Variants in RAD18 observed in about 807,000 individuals in gnomAD.
The protein encoded by RAD18 is E3 ubiquitin-protein ligase RAD18.
In RAD18, 47 loss-of-function variants were observed where a neutral mutation model predicts 60.4. That is an observed-to-expected ratio of 0.78 (90% confidence interval 0.62 to 0.99). RAD18 has a LOEUF of 0.99. Among genes scored for constraint, RAD18 ranks in the 50% least tolerant of loss-of-function variants. RAD18 has a pLI of 0.00. For missense variants in RAD18, 640 were observed against 593.3 expected, an observed-to-expected ratio of 1.08 and a Z score of -0.82; for synonymous variants, 225 against 195.5, an observed-to-expected ratio of 1.15 and a Z score of -1.26.
At chr3:8,906,588 G>A (rs1191283957) in intron 9 of RAD18, among the ~76,000 whole-genome samples, 2 of 152,110 alleles carry the variant, frequency 1.3e-5, no homozygotes, top group East Asian at 1.9e-4. Context: ...TCACAGCAAC[G>A]TTTGGCCTAA....
chr3:8,900,046 C>T (rs1056764094), intron 10 of RAD18, among the ~76,000 whole-genome samples: 1 of 152,144 alleles, frequency 6.6e-6, no homozygotes, highest in Non-Finnish European at 1.5e-5. Flanking sequence ...CTTCAAAAAA[C>T]CTTGCCAAGT....
At chr3:8,942,919 G>C (rs559539144) in intron 4 of RAD18, among the ~76,000 whole-genome samples, 2 of 152,184 alleles carry the variant, frequency 1.3e-5, no homozygotes, top group Non-Finnish European at 2.9e-5. Flanking sequence ...TTAGTTGTTC[G>C]CATTGGAGCC....
At chr3:8,957,076 G>A (rs1941027715) in intron 2 of RAD18, among the ~76,000 whole-genome samples, 1 of 152,104 alleles carries the variant, frequency 6.6e-6, no homozygotes, top group African/African-American at 2.4e-5. Context: ...AAAAGATGCT[G>A]GAATTAAAGT....
chr3:8,942,173 G>A (rs1940761121), intron 4 of RAD18, among the ~76,000 whole-genome samples: 1 of 152,166 alleles, frequency 6.6e-6, no homozygotes, highest in Admixed American at 6.5e-5. Context: ...GTGGGACCTG[G>A]TGGAAGGTGA....
intron 11 of RAD18, among the ~76,000 whole-genome samples, chr3:8,891,984 A>AC (rs1939699406): frequency 6.6e-6 from 1 of 152,240 alleles, no homozygotes; most frequent in African/African-American, 2.4e-5. Flanking sequence ...TATAGCAGTC[A>AC]GTGTTACTAA....
intron 7 of RAD18, among the ~76,000 whole-genome samples, chr3:8,922,687 T>A (rs1205604165): frequency 6.6e-6 from 1 of 152,180 alleles, no homozygotes; most frequent in East Asian, 1.9e-4. Context: ...GACTGACACC[T>A]CACACGGCCA....
In RAD18 at chr3:8,909,226, G is replaced by C. The variant is rs1196319758; in HGVS notation, c.1027+3086C>G. 2.6e-5 allele frequency among the ~76,000 whole-genome samples: 4 copies of C among 152,174 alleles called. No homozygotes were observed. In the East Asian group the frequency reaches 7.7e-4, roughly 29 times the overall value. ...GAGGAGAAGAGGCAAGGCTAGAGAG[G>C]TAGGCAGGTCCAGATACAGGAAATA... On this transcript the variant is annotated intron_variant, in intron 9 of 12. Transcript: ENST00000264926.
At chr3:8,906,788 G>A (rs1280772926) in intron 9 of RAD18, among the ~76,000 whole-genome samples, 1 of 90,344 alleles carries the variant, frequency 1.1e-5, no homozygotes, top group Admixed American at 1.3e-4. Flanking sequence ...TGGAGAGGGG[G>A]AAACAGTTTT....
At chr3:8,894,656 G>T (rs1939754308) in intron 11 of RAD18, among the ~76,000 whole-genome samples, 1 of 151,834 alleles carries the variant, frequency 6.6e-6, no homozygotes, top group Admixed American at 6.6e-5. Context: ...ACATTTCAAG[G>T]ACTTGATGTC....
chr3:8,902,519 A>T lies in RAD18; in HGVS notation c.1029T>A (p.Arg343=). Residue 343 remains arginine (R), a splice_region_variant and synonymous_variant, in exon 10 of 13, where the codon CGT becomes CGA. Transcript: ENST00000264926. ...GCTGAAATTCACTCTTATGTTTTTT[A>T]CCTGAAATTCAAAAGATCTTCTCAG... ...KEIDEIHSKY[R]KKHKSEFQLL... 6.3e-7 allele frequency: 1 copy of T among 1,596,942 alleles called. No homozygotes were observed. The highest frequency in any genetic ancestry group is 8.5e-7 in the Non-Finnish European group (1 of 1,174,334).
chr3:8,924,528 C>G (rs1940389920), intron 7 of RAD18, among the ~76,000 whole-genome samples: 1 of 139,464 alleles, frequency 7.2e-6, no homozygotes, highest in South Asian at 2.5e-4. Context: ...ACAAGGATAT[C>G]CAGGAATTGA....
chr3:8,959,929 G>T (rs1266031527), intron 1 of RAD18, among the ~76,000 whole-genome samples: 1 of 148,594 alleles, frequency 6.7e-6, no homozygotes, highest in Non-Finnish European at 1.5e-5. Context: ...GATATGAAAA[G>T]ATTGCCAAGA....
chr3:8,896,130 G>C (rs550400850), intron 11 of RAD18, among the ~76,000 whole-genome samples: 2 of 152,224 alleles, frequency 1.3e-5, no homozygotes, highest in South Asian at 4.2e-4. Context: ...AAAACCCCCA[G>C]AACCAGGGTT....
chr3:8,926,629 G>A (rs1389461651), intron 7 of RAD18, among the ~76,000 whole-genome samples: 1 of 152,188 alleles, frequency 6.6e-6, no homozygotes, highest in Non-Finnish European at 1.5e-5. Context: ...GAACAAAGCT[G>A]GAGGCATCAT....
chr3:8,928,328 C>A (rs1198424388), intron 7 of RAD18, among the ~76,000 whole-genome samples: 1 of 151,830 alleles, frequency 6.6e-6, no homozygotes, highest in African/African-American at 2.4e-5. Flanking sequence ...TAAACCCAAC[C>A]AAATAGAATA....
intron 4 of RAD18, among the ~76,000 whole-genome samples, chr3:8,945,367 T>C (rs1037290221): frequency 1.3e-5 from 2 of 152,252 alleles, no homozygotes; most frequent in East Asian, 3.9e-4. Flanking sequence ...CAGTGGTGGT[T>C]TCATTAGACG....
At position 8,913,756 on chromosome 3, in the gene RAD18, CAT is replaced by C. The variant is rs778445302; in HGVS notation, c.890-38_890-37del. ...AAGAAAATAACCACTAGGTTAATCACATGTCTTTTTTAATCACTGTACAATAA... is the reference window on the plus strand; with the variant it reads ...AAGAAAATAACCACTAGGTTAATCACGTCTTTTTTAATCACTGTACAATAA... On this transcript the variant is annotated intron_variant, in intron 7 of 12. Transcript: ENST00000264926. 4 of 1,356,732 alleles carry C rather than the reference CAT, an allele frequency of 2.9e-6. No individual in the cohort carries two copies. In the South Asian group the frequency reaches 4.2e-5, roughly 14 times the overall value. The allele number at this position is 1,356,732 out of a possible 1,614,324, so 84.0% of individuals were successfully genotyped here. A position where few individuals can be genotyped will look rare whatever the true frequency, so the allele number is the denominator to read the frequency against.
chr3:8,915,976 T>C (rs1940193504), intron 7 of RAD18, among the ~76,000 whole-genome samples: 1 of 152,144 alleles, frequency 6.6e-6, no homozygotes, highest in Non-Finnish European at 1.5e-5. Flanking sequence ...TTAGAAAAGA[T>C]CTTCCTCCAG....
At chr3:8,905,424 A>G (rs1267796386) in intron 9 of RAD18, among the ~76,000 whole-genome samples, 1 of 152,228 alleles carries the variant, frequency 6.6e-6, no homozygotes, top group Admixed American at 6.5e-5. Context: ...ACCCAGTGGT[A>G]CAAAAGACTA....
Sources: gnomAD v4.1 joint callset for allele counts (sites outside exome capture counted in the v4.1 genomes callset) on GRCh38, gnomAD v4.1.1 for gene constraint, MANE v1.5 for transcripts, NCBI Gene and HGNC (gene_info 2026-07-23, HGNC 2026-07-21) for gene names.